TESC: variants seen among roughly 807,000 people sequenced by gnomAD.
The protein encoded by TESC is calcineurin B homologous protein 3.
A neutral mutation model predicts 31.0 loss-of-function variants in TESC; 19 were observed. The observed-to-expected ratio is 0.61, with a 90% CI of 0.43 to 0.90. The LOEUF (loss-of-function observed/expected upper bound fraction) is 0.90. TESC is among the 40% of genes least tolerant of loss of function. The probability of loss-of-function intolerance (pLI) is 0.00; values close to 1 mark genes in which losing one functional copy is unlikely to be tolerated. For synonymous variants in TESC, 109 were observed against 114.8 expected (o/e 0.95, Z 0.32); for missense variants, 248 against 303.8 (o/e 0.82, Z 1.36).
intron 2 of TESC, among the ~76,000 whole-genome samples, chr12:117,069,315 T>C (rs1298293845): frequency 1.3e-5 from 2 of 152,122 alleles, no homozygotes; most frequent in Admixed American, 6.6e-5. Flanking sequence ...TCTCAGCTCA[T>C]TGCGACCTCT....
intron 2 of TESC, among the ~76,000 whole-genome samples, chr12:117,062,934 C>T (rs1302081320): frequency 6.6e-6 from 1 of 152,138 alleles, no homozygotes; most frequent in Non-Finnish European, 1.5e-5. Flanking sequence ...AGTGGTGTTG[C>T]CCCAGTGACC....
intron 1 of TESC, among the ~76,000 whole-genome samples, chr12:117,091,235 TCA>T (rs1955302186): frequency 6.6e-6 from 1 of 152,126 alleles, no homozygotes; most frequent in African/African-American, 2.4e-5. Context: ...CCCTGTACAG[TCA>T]CACCAGCATG....
chr12:117,075,875 GTATATATATATATATATATA>G lies in TESC; in HGVS notation c.59-555_59-536del, dbSNP rs528031954. On this transcript the variant is annotated intron_variant, in intron 1 of 7. Coordinates refer to ENST00000335209, the MANE Select transcript of TESC (RefSeq NM_017899.4). ...TATATATATATATATATATATGTGTGTATATATATATATATATATATATATATATATATATATATGTGTGT... is the reference window on the plus strand; with the variant it reads ...TATATATATATATATATATATGTGTGTATATATATATATATATATGTGTGT... Among the ~76,000 whole-genome samples, 432 of 62,470 alleles carry G rather than the reference GTATATATATATATATATATA, an allele frequency of 6.9e-3. 12 individuals are homozygous for G. The highest frequency in any genetic ancestry group is 0.011 in the Middle Eastern group (1 of 90). The allele number at this position is 62,470 out of a possible 152,430, so 41.0% of individuals were successfully genotyped here.
At chr12:117,047,445 G>A (rs1233144488) in intron 4 of TESC, among the ~76,000 whole-genome samples, 1 of 151,890 alleles carries the variant, frequency 6.6e-6, no homozygotes, top group African/African-American at 2.4e-5. Flanking sequence ...ATTTTTTCAA[G>A]ATTTAGTCTC....
chr12:117,040,447 G>A lies in TESC; in HGVS notation c.568-1237C>T, dbSNP rs1211909436. Among the ~76,000 whole-genome samples, 6 of 152,310 alleles carry A rather than the reference G, an allele frequency of 3.9e-5. 1 individual carries two copies. The South Asian group carries it at 6.2e-4, about 16-fold the overall frequency. On this transcript the variant is annotated intron_variant, in intron 7 of 7. Coordinates refer to ENST00000335209, the MANE Select transcript of TESC (RefSeq NM_017899.4). ...TGGGGAGCACTAGGGGCCTGGCAGA[G>A]GCCAGCCTTTAGGGGAAGGAAGTTG...
At chr12:117,062,992 T>C (rs1954819228) in intron 2 of TESC, among the ~76,000 whole-genome samples, 1 of 152,154 alleles carries the variant, frequency 6.6e-6, no homozygotes, top group Non-Finnish European at 1.5e-5. Flanking sequence ...GCCACACACC[T>C]TCCAGGCCTC....
chr12:117,069,620 T>G (rs1164340787), intron 2 of TESC, among the ~76,000 whole-genome samples: 2 of 152,106 alleles, frequency 1.3e-5, no homozygotes. Flanking sequence ...GGGCTTTCAA[T>G]GCCGCAAGAC....
chr12:117,056,761 G>A, intron 3 of TESC, 45 bp downstream of exon 3: 1 of 1,586,976 alleles, frequency 6.3e-7, no homozygotes, highest in African/African-American at 1.3e-5. Flanking sequence ...TGTTACACAA[G>A]ACAAGGGTGC....
intron 1 of TESC, among the ~76,000 whole-genome samples, chr12:117,096,530 C>A (rs1351192550): frequency 6.6e-6 from 1 of 152,094 alleles, no homozygotes; most frequent in Non-Finnish European, 1.5e-5. Flanking sequence ...CAAGACTCAA[C>A]TCTCAGCTAT....
At chr12:117,040,017 C>T (rs1188621791) in intron 7 of TESC, among the ~76,000 whole-genome samples, 1 of 152,240 alleles carries the variant, frequency 6.6e-6, no homozygotes, top group Non-Finnish European at 1.5e-5. Flanking sequence ...GGGCGGGTGA[C>T]TTCTCACTGC....
At chr12:117,091,252 A>G (rs1955302361) in intron 1 of TESC, among the ~76,000 whole-genome samples, 1 of 152,228 alleles carries the variant, frequency 6.6e-6, no homozygotes, top group South Asian at 2.1e-4. Flanking sequence ...AGCATGGACA[A>G]AAGAACAAAA....
chr12:117,063,992 A>G (rs1168975935), intron 2 of TESC, among the ~76,000 whole-genome samples: 1 of 152,192 alleles, frequency 6.6e-6, no homozygotes, highest in Non-Finnish European at 1.5e-5. Flanking sequence ...TAGTGCATTC[A>G]TGGCTCACTG....
At chr12:117,070,046 G>A (rs994844793) in intron 2 of TESC, among the ~76,000 whole-genome samples, 3 of 152,304 alleles carry the variant, frequency 2.0e-5, no homozygotes, top group East Asian at 1.9e-4. Context: ...CCCAATCAAC[G>A]CCATTTTCAT....
intron 1 of TESC, among the ~76,000 whole-genome samples, chr12:117,094,092 G>C (rs984393951): frequency 6.6e-6 from 1 of 152,152 alleles, no homozygotes; most frequent in Non-Finnish European, 1.5e-5. Context: ...CCACGGGTGC[G>C]TGGGGAAGGT....
At chr12:117,049,831 G>C (rs184015439) in intron 3 of TESC, among the ~76,000 whole-genome samples, 1 of 151,384 alleles carries the variant, frequency 6.6e-6, no homozygotes, top group South Asian at 2.1e-4. Context: ...AACTCAGGAG[G>C]TGGAGGTTGC....
At chr12:117,073,846 G>A (rs1202241771) in intron 2 of TESC, among the ~76,000 whole-genome samples, 1 of 152,134 alleles carries the variant, frequency 6.6e-6, no homozygotes, top group East Asian at 1.9e-4. Context: ...TCAGGAGGCT[G>A]AGGCGGGGGG....
At chr12:117,089,813 A>C (rs1955281835) in intron 1 of TESC, among the ~76,000 whole-genome samples, 2 of 152,214 alleles carry the variant, frequency 1.3e-5, no homozygotes, top group South Asian at 4.1e-4. Context: ...AGATAAAGAG[A>C]AAGGGGAGAG....
At chr12:117,075,937 A>ATATATATG (rs767382093) in intron 1 of TESC, among the ~76,000 whole-genome samples, 3,287 of 99,288 alleles carry the variant, frequency 0.033, 160 homozygotes, top group Non-Finnish European at 0.048. Flanking sequence ...ATATATATAT[A>ATATATATG]TATGTATATA....
chr12:117,075,505 A>G (rs1344397821), intron 1 of TESC, among the ~76,000 whole-genome samples, 165 bp from the exon 2 acceptor site: 1 of 152,094 alleles, frequency 6.6e-6, no homozygotes, highest in African/African-American at 2.4e-5. Context: ...GCAGCAGAGA[A>G]AGGATTTCCC....
Sources: allele counts gnomAD v4.1 joint callset (sites outside exome capture counted in the v4.1 genomes callset), GRCh38; gene constraint gnomAD v4.1.1; transcripts MANE v1.5; gene names NCBI Gene and HGNC (gene_info 2026-07-23, HGNC 2026-07-21).